Variants in ACVR1C observed in about 807,000 individuals in gnomAD.
ACVR1C encodes activin receptor type-1C.
In ACVR1C, 23 loss-of-function variants were observed where a neutral mutation model predicts 57.9. The observed-to-expected ratio is 0.40, with a 90% CI of 0.29 to 0.56. ACVR1C has a LOEUF of 0.56. ACVR1C is among the 20% of genes least tolerant of loss of function. The pLI is 0.50. For synonymous variants in ACVR1C, 214 were observed against 215.3 expected (o/e 0.99, Z 0.05); for missense variants, 480 against 607.9 (o/e 0.79, Z 2.21).
chr2:157,560,137 T>C (rs1688201271), intron 2 of ACVR1C, among the ~76,000 whole-genome samples: 1 of 152,188 alleles, frequency 6.6e-6, no homozygotes, highest in Non-Finnish European at 1.5e-5. Flanking sequence ...TGCATCAGCT[T>C]CTCCCAGAAC....
intron 2 of ACVR1C, among the ~76,000 whole-genome samples, chr2:157,572,909 A>G (rs544677402): frequency 6.6e-6 from 1 of 152,270 alleles, no homozygotes; most frequent in East Asian, 1.9e-4. Flanking sequence ...GTGATGGCAG[A>G]ACAATTCCAC....
At chr2:157,615,425 A>G (rs1170898587) in intron 1 of ACVR1C, among the ~76,000 whole-genome samples, 1 of 151,752 alleles carries the variant, frequency 6.6e-6, no homozygotes, top group Non-Finnish European at 1.5e-5. Flanking sequence ...GCCAGGTTGG[A>G]GAACAGTGAC....
At chr2:157,627,631 G>T (rs1297229929) in intron 1 of ACVR1C, among the ~76,000 whole-genome samples, 1 of 152,146 alleles carries the variant, frequency 6.6e-6, no homozygotes, top group South Asian at 2.1e-4. Flanking sequence ...AAAACAAAAT[G>T]CATCAAAATC....
intron 1 of ACVR1C, among the ~76,000 whole-genome samples, chr2:157,600,963 C>A (rs1049728284): frequency 1.1e-4 from 17 of 152,064 alleles, no homozygotes; most frequent in Non-Finnish European, 2.4e-4. Flanking sequence ...TTTTTAAAAT[C>A]CATAATGCTT....
intron 2 of ACVR1C, among the ~76,000 whole-genome samples, chr2:157,585,348 A>G (rs1688893179): frequency 6.6e-6 from 1 of 152,222 alleles, no homozygotes; most frequent in African/African-American, 2.4e-5. Context: ...TATTATACCT[A>G]AATTAGACCT....
chr2:157,558,132 T>C (rs1327881979), intron 2 of ACVR1C, among the ~76,000 whole-genome samples: 1 of 152,160 alleles, frequency 6.6e-6, no homozygotes. Context: ...ATCCAGGTTC[T>C]AGAGAGAGAG....
chr2:157,609,188 C>CT (rs538359341), intron 1 of ACVR1C, among the ~76,000 whole-genome samples: 31 of 151,400 alleles, frequency 2.0e-4, no homozygotes, highest in Admixed American at 6.6e-4. Context: ...GGTTTCAAGA[C>CT]TTTTTTTTAA....
chr2:157,577,802 C>T (rs1416383205), intron 2 of ACVR1C, among the ~76,000 whole-genome samples: 1 of 152,072 alleles, frequency 6.6e-6, no homozygotes, highest in Non-Finnish European at 1.5e-5. Context: ...TTTGTCACAT[C>T]TTCTGTGTGC....
At chr2:157,561,437 A>G (rs1688228165) in intron 2 of ACVR1C, among the ~76,000 whole-genome samples, 1 of 152,162 alleles carries the variant, frequency 6.6e-6, no homozygotes, top group Admixed American at 6.5e-5. Context: ...GAGAAATTCC[A>G]CCACTGTCAA....
At chr2:157,612,678 T>G (rs957521300) in intron 1 of ACVR1C, among the ~76,000 whole-genome samples, 2 of 152,190 alleles carry the variant, frequency 1.3e-5, no homozygotes, top group Non-Finnish European at 2.9e-5. Context: ...TCTGGTTTCC[T>G]TTGTGCCAGG....
rs762191679 is a variant in ACVR1C at position 157,533,996 on chromosome 2, G to T, written c.1404C>A (p.Asn468Lys). The T allele has an allele frequency of 1.3e-6, 2 of 1,595,066 alleles. No individual in the cohort carries two copies. Reference protein sequence around the residue: ...GRIMRECWYANGAARLTALRI... With the variant: ...GRIMRECWYAKGAARLTALRI... Reference sequence around the variant, plus strand: ...GAAGAGCAGTTAGGCGGGCCGCTCCGTTGGCATACCAACACTCACGCATTA... The same window carrying T: ...GAAGAGCAGTTAGGCGGGCCGCTCCTTTGGCATACCAACACTCACGCATTA... Residue 468 changes from asparagine (N) to lysine (K), a missense_variant, in exon 9 of 9, where the codon AAC becomes AAA. Transcript: ENST00000243349.
intron 2 of ACVR1C, among the ~76,000 whole-genome samples, chr2:157,566,895 G>A (rs1174129921): frequency 2.0e-5 from 3 of 151,250 alleles, no homozygotes; most frequent in South Asian, 2.1e-4. Context: ...GCCTCTGTAG[G>A]CTCCACCTCT....
chr2:157,549,588 C>G (rs1014953873), intron 4 of ACVR1C, among the ~76,000 whole-genome samples: 1 of 152,090 alleles, frequency 6.6e-6, no homozygotes, highest in Non-Finnish European at 1.5e-5. Flanking sequence ...ATCATGATTT[C>G]CCATCACTCA....
In ACVR1C at chr2:157,559,552, G is replaced by A. The variant is rs574465554; in HGVS notation, c.305-3220C>T. 2.0e-5 allele frequency among the ~76,000 whole-genome samples: 3 copies of A among 152,248 alleles called. No individual in the cohort carries two copies. In the South Asian group the frequency reaches 6.2e-4, roughly 32 times the overall value. ...AGCAGGTTTTAAATTCTTGATCACA[G>A]GAAAGCTCTTATTATTTGATGCTTT... On this transcript the variant is annotated intron_variant, in intron 2 of 8. Transcript: ENST00000243349.
Position 157,624,720 on chromosome 2 carries a change from C to T in ACVR1C, c.73+3852G>A, listed in dbSNP as rs1315547760. On this transcript the variant is annotated intron_variant, in intron 1 of 8. Coordinates refer to ENST00000243349, the MANE Select transcript of ACVR1C (RefSeq NM_145259.3). ...AAGACAGTAACGGAGCTAGAACAGG[C>T]GAGGGTTTTAGAGCTGAGGACTAGA... Among the ~76,000 whole-genome samples the T allele has an allele frequency of 5.3e-5, 8 of 152,144 alleles. No individual in the cohort carries two copies. The East Asian group carries it at 1.2e-3, about 22-fold the overall frequency.
rs1687243776 is a variant in ACVR1C, at chr2:157,526,942, G to T, written c.*6976C>A. The stretch of plus-strand genomic sequence containing the variant: ...TATTTACATCTGAAGACAGATGAAA[G>T]TTACACGATAATATTAAAAAGCTTT... On this transcript the variant is annotated 3_prime_UTR_variant, in exon 9 of 9. Coordinates refer to ENST00000243349, the MANE Select transcript of ACVR1C (RefSeq NM_145259.3). 6.6e-6 allele frequency: 1 copy of T among 152,086 alleles called. No individual in the cohort carries two copies. Among genetic ancestry groups the T allele is most frequent in the African/African-American group, 2.4e-5 (1 of 41,426 alleles). The allele number at this position is 152,086 out of a possible 1,614,324, so 9.4% of individuals were successfully genotyped here.
chr2:157,540,839 C>A (rs1687609426), intron 7 of ACVR1C, among the ~76,000 whole-genome samples: 1 of 152,186 alleles, frequency 6.6e-6, no homozygotes, highest in Non-Finnish European at 1.5e-5. Flanking sequence ...TCAAGTACTT[C>A]ATAAAGTGTC....
chr2:157,537,742 T>G (rs906047261), intron 8 of ACVR1C, among the ~76,000 whole-genome samples: 22 of 152,188 alleles, frequency 1.4e-4, no homozygotes, highest in Non-Finnish European at 5.9e-5. Context: ...AGTATCAGAA[T>G]GGTTCTGGAA....
intron 1 of ACVR1C, among the ~76,000 whole-genome samples, chr2:157,601,617 A>G (rs564610975): frequency 2.0e-5 from 3 of 152,360 alleles, no homozygotes; most frequent in African/African-American, 4.8e-5. Flanking sequence ...ACAAAAAACT[A>G]TAGCAAAGAA....
Sources: allele counts gnomAD v4.1 joint callset (sites outside exome capture counted in the v4.1 genomes callset), GRCh38; gene constraint gnomAD v4.1.1; transcripts MANE v1.5; gene names NCBI Gene and HGNC (gene_info 2026-07-23, HGNC 2026-07-21).